CPQ: variants seen among roughly 807,000 people sequenced by gnomAD.
CPQ encodes Ser-Met dipeptidase.
CPQ carries 37 observed loss-of-function variants against 45.7 expected under a neutral mutation model. That is an observed-to-expected ratio of 0.81 (90% CI 0.62 to 1.07). CPQ has a LOEUF of 1.07. Among genes scored for constraint, CPQ ranks in the 50% least tolerant of loss-of-function variants. CPQ has a pLI of 0.00. For missense variants in CPQ, 537 were observed against 572.9 expected, an observed-to-expected ratio of 0.94 and a Z score of 0.64; for synonymous variants, 186 against 205.8, an observed-to-expected ratio of 0.90 and a Z score of 0.82.
At chr8:96,816,485 C>T (rs989597040) in intron 2 of CPQ, among the ~76,000 whole-genome samples, 8 of 152,100 alleles carry the variant, frequency 5.3e-5, no homozygotes, top group Non-Finnish European at 1.0e-4. Context: ...TTCTTCCAAA[C>T]TCCTGTTAAT....
chr8:97,024,245 TC>T (rs1487693011), intron 5 of CPQ, among the ~76,000 whole-genome samples: 1 of 151,992 alleles, frequency 6.6e-6, no homozygotes, highest in Non-Finnish European at 1.5e-5. Flanking sequence ...AGATCTCTCA[TC>T]CCCGGCCTCC....
chr8:97,118,876 A>C (rs922591100), intron 7 of CPQ, among the ~76,000 whole-genome samples: 1 of 152,206 alleles, frequency 6.6e-6, no homozygotes, highest in Non-Finnish European at 1.5e-5. Context: ...CGTGTATAAT[A>C]TCTCCAGTCC....
intron 1 of CPQ, among the ~76,000 whole-genome samples, chr8:96,773,702 A>C (rs1431480629): frequency 1.3e-5 from 2 of 152,158 alleles, no homozygotes; most frequent in African/African-American, 2.4e-5. Flanking sequence ...TTGTTTTCTC[A>C]CAGTTCTGCA....
intron 1 of CPQ, among the ~76,000 whole-genome samples, chr8:96,781,730 A>G (rs1810688026): frequency 6.6e-6 from 1 of 152,218 alleles, no homozygotes; most frequent in Admixed American, 6.5e-5. Context: ...GAGACATAAC[A>G]CAATTCATTC....
intron 1 of CPQ, among the ~76,000 whole-genome samples, chr8:96,750,527 A>G (rs1358274857): frequency 6.6e-6 from 1 of 150,604 alleles, no homozygotes; most frequent in African/African-American, 2.4e-5. Flanking sequence ...AATTTTATCC[A>G]TTCATCTTCC....
At chr8:96,969,909 C>T (rs1263358343) in intron 5 of CPQ, among the ~76,000 whole-genome samples, 2 of 152,188 alleles carry the variant, frequency 1.3e-5, no homozygotes, top group African/African-American at 4.8e-5. Flanking sequence ...AGAAACAACA[C>T]AGCAGAGGTA....
intron 7 of CPQ, among the ~76,000 whole-genome samples, chr8:97,142,640 T>C (rs1401998129): frequency 6.6e-6 from 1 of 152,248 alleles, no homozygotes; most frequent in East Asian, 1.9e-4. Flanking sequence ...AAGAAGGCAG[T>C]GCAGAGCTTG....
At chr8:96,660,903 TTG>T (rs1815693829) in intron 1 of CPQ, among the ~76,000 whole-genome samples, 1 of 152,200 alleles carries the variant, frequency 6.6e-6, no homozygotes, top group East Asian at 1.9e-4. Context: ...CAATACTTTG[TTG>T]TGATTTTATT....
At chr8:97,134,769 T>C (rs927675383) in intron 7 of CPQ, among the ~76,000 whole-genome samples, 4 of 152,188 alleles carry the variant, frequency 2.6e-5, no homozygotes, top group African/African-American at 4.8e-5. Flanking sequence ...CTTACTACTG[T>C]ATGACATCAG....
intron 1 of CPQ, among the ~76,000 whole-genome samples, chr8:96,723,199 T>C (rs1457543635): frequency 1.3e-5 from 2 of 152,204 alleles, no homozygotes; most frequent in Non-Finnish European, 2.9e-5. Flanking sequence ...AGGATTTTTT[T>C]CTTAAAAAAT....
At chr8:96,913,995 T>C (rs1325769105) in intron 4 of CPQ, among the ~76,000 whole-genome samples, 2 of 152,198 alleles carry the variant, frequency 1.3e-5, no homozygotes, top group East Asian at 1.9e-4. Context: ...AATTGTGCTG[T>C]GTGTGTTGGA....
At chr8:96,670,258 A>G (rs377363938) in intron 1 of CPQ, among the ~76,000 whole-genome samples, 1 of 152,158 alleles carries the variant, frequency 6.6e-6, no homozygotes, top group East Asian at 1.9e-4. Flanking sequence ...ACAAGAAGGC[A>G]AAGTATTTAC....
At chr8:97,018,705 AAAC>A (rs1415442987) in intron 5 of CPQ, among the ~76,000 whole-genome samples, 11 of 152,288 alleles carry the variant, frequency 7.2e-5, no homozygotes, top group Admixed American at 5.9e-4. Flanking sequence ...AAGAAAATAT[AAAC>A]AAAGCCTCCA....
intron 5 of CPQ, among the ~76,000 whole-genome samples, chr8:96,987,430 T>C (rs1362376173): frequency 6.6e-6 from 1 of 151,952 alleles, no homozygotes; most frequent in Non-Finnish European, 1.5e-5. Context: ...AGTATAACTA[T>C]GACTAAAGAG....
At chr8:96,734,740 T>A (rs959202271) in intron 1 of CPQ, among the ~76,000 whole-genome samples, 2 of 150,412 alleles carry the variant, frequency 1.3e-5, no homozygotes, top group African/African-American at 4.9e-5. Context: ...ATAAAATAAA[T>A]AAAATAAAAT....
At chr8:96,786,556 G>A (rs1810771161) in intron 2 of CPQ, among the ~76,000 whole-genome samples, 2 of 152,144 alleles carry the variant, frequency 1.3e-5, no homozygotes, top group African/African-American at 2.4e-5. Flanking sequence ...AAGTAGAATT[G>A]CTGGGTCATA....
intron 1 of CPQ, among the ~76,000 whole-genome samples, chr8:96,729,015 T>C (rs755519707): frequency 2.0e-5 from 3 of 152,128 alleles, no homozygotes; most frequent in Non-Finnish European, 4.4e-5. Context: ...TCATCTGTGG[T>C]TGTAGTCAGT....
At position 97,123,124 on chromosome 8, in the gene CPQ, TAAATA is replaced by T. The variant is rs1257317280; in HGVS notation, c.1256-19873_1256-19869del. On this transcript the variant is annotated intron_variant, in intron 7 of 7. Transcript: ENST00000220763. ...ATAAATAAAATAAAATAAAATAAAA[TAAATA>T]AAATAAAATAAAATAAAATAAATAA... is the stretch of plus-strand genomic sequence containing the variant. 7.3e-3 allele frequency among the ~76,000 whole-genome samples: 361 copies of T among 49,740 alleles called. 62 individuals carry two copies. In the East Asian group the frequency reaches 0.094, roughly 13 times the overall value. 32.6% of individuals were successfully genotyped at this position (49,740 alleles called of 152,430 possible).
intron 4 of CPQ, among the ~76,000 whole-genome samples, chr8:96,885,691 C>T (rs1057084247): frequency 6.6e-5 from 10 of 152,172 alleles, no homozygotes; most frequent in Non-Finnish European, 1.0e-4. Context: ...GAATTAACCA[C>T]AGGCTTTAAA....
Sources: gnomAD v4.1 joint callset for allele counts (sites outside exome capture counted in the v4.1 genomes callset) on GRCh38, gnomAD v4.1.1 for gene constraint, MANE v1.5 for transcripts, NCBI Gene and HGNC (gene_info 2026-07-23, HGNC 2026-07-21) for gene names.